Variants in FGF12 observed in about 807,000 individuals in gnomAD.
FGF12 encodes fibroblast growth factor 12B.
In FGF12, 14 loss-of-function variants were observed where a neutral mutation model predicts 23.6. The ratio of observed to expected loss-of-function variants is 0.59; its 90% CI spans 0.39 to 0.93. The LOEUF is 0.93. FGF12 is among the 40% of genes least tolerant of loss of function. The pLI is 0.00. For synonymous variants in FGF12, 62 were observed against 77.3 expected, an observed-to-expected ratio of 0.80 and a Z score of 1.04; for missense variants, 175 against 217.8, an observed-to-expected ratio of 0.80 and a Z score of 1.24.
intron 2 of FGF12, among the ~76,000 whole-genome samples, chr3:192,692,710 TAA>T (rs200005337): frequency 1.4e-4 from 17 of 123,130 alleles, no homozygotes; most frequent in East Asian, 2.3e-4. Flanking sequence ...AGACCCTGTC[TAA>T]AAAAAAAAAA....
chr3:192,147,912 T>C (rs183010254), intron 5 of FGF12, among the ~76,000 whole-genome samples: 32 of 152,100 alleles, frequency 2.1e-4, no homozygotes, highest in Non-Finnish European at 3.4e-4. Context: ...TCAGAAATGG[T>C]AATAAAAGAA....
At chr3:192,304,662 A>G (rs1366676520) in intron 4 of FGF12, among the ~76,000 whole-genome samples, 1 of 152,174 alleles carries the variant, frequency 6.6e-6, no homozygotes. Flanking sequence ...ATAACACGTG[A>G]ATCTGTTATA....
chr3:192,159,972 GTGTGTGTA>G lies in FGF12; in HGVS notation c.427+10478_427+10485del, dbSNP rs1217520502. ...TGTGTGTGTGTGTGTGTGTGTGTGT[GTGTGTGTA>G]CACATTTCAGCACACAGACCCATTA... On this transcript the variant is annotated intron_variant, in intron 5 of 5. Coordinates refer to ENST00000445105, the MANE Select transcript of FGF12 (RefSeq NM_004113.6). 5.2e-3 allele frequency among the ~76,000 whole-genome samples: 731 copies of G among 140,358 alleles called. 5 individuals carry two copies. Among genetic ancestry groups the G allele is most frequent in the African/African-American group, 0.021 (707 of 34,378 alleles). 92.1% of individuals were successfully genotyped at this position (140,358 alleles called of 152,430 possible).
At chr3:192,507,992 T>C (rs1461146018) in intron 2 of FGF12, among the ~76,000 whole-genome samples, 1 of 152,146 alleles carries the variant, frequency 6.6e-6, no homozygotes, top group Admixed American at 6.5e-5. Context: ...AGCAAATAAT[T>C]AGTGCCTTAG....
chr3:192,173,683 A>C (rs962003965), intron 4 of FGF12, among the ~76,000 whole-genome samples: 3 of 152,178 alleles, frequency 2.0e-5, no homozygotes, highest in Non-Finnish European at 4.4e-5. Flanking sequence ...TATTAACCCT[A>C]GATGCTATGC....
At chr3:192,633,366 T>C (rs1715463496) in intron 2 of FGF12, among the ~76,000 whole-genome samples, 1 of 152,106 alleles carries the variant, frequency 6.6e-6, no homozygotes, top group Admixed American at 6.5e-5. Flanking sequence ...TTATCAATCA[T>C]TGGATTTGGG....
chr3:192,183,964 T>C (rs1030544679), intron 4 of FGF12, among the ~76,000 whole-genome samples: 3 of 152,174 alleles, frequency 2.0e-5, no homozygotes, highest in African/African-American at 7.2e-5. Flanking sequence ...GGCTCACACC[T>C]GTAATGCCAG....
chr3:192,485,612 CA>C (rs1054068167), intron 2 of FGF12, among the ~76,000 whole-genome samples: 3 of 151,880 alleles, frequency 2.0e-5, no homozygotes, highest in Admixed American at 1.3e-4. Context: ...AACTGTCTTC[CA>C]AAATTTTTTT....
intron 2 of FGF12, among the ~76,000 whole-genome samples, chr3:192,456,670 A>G (rs1722691484): frequency 6.6e-6 from 1 of 152,220 alleles, no homozygotes; most frequent in African/African-American, 2.4e-5. Context: ...ACCACCTAGA[A>G]CATTTTATGT....
intron 5 of FGF12, among the ~76,000 whole-genome samples, chr3:192,168,338 A>G (rs1715344715): frequency 6.6e-6 from 1 of 152,166 alleles, no homozygotes; most frequent in African/African-American, 2.4e-5. Context: ...CTTCTCAGGT[A>G]CCCTTTGCTT....
At chr3:192,425,393 A>G (rs1181968359) in intron 2 of FGF12, among the ~76,000 whole-genome samples, 1 of 152,140 alleles carries the variant, frequency 6.6e-6, no homozygotes, top group African/African-American at 2.4e-5. Context: ...GAAAAGTGGG[A>G]TGCAGTCTCC....
intron 4 of FGF12, among the ~76,000 whole-genome samples, chr3:192,277,381 T>C (rs1324333876): frequency 6.6e-6 from 1 of 151,956 alleles, no homozygotes; most frequent in African/African-American, 2.4e-5. Flanking sequence ...TGAGAAAGCA[T>C]TCTGTAAAGA....
chr3:192,618,798 T>C (rs1356926337), intron 2 of FGF12, among the ~76,000 whole-genome samples: 1 of 151,722 alleles, frequency 6.6e-6, no homozygotes, highest in Admixed American at 6.6e-5. Context: ...GAGGATTTGC[T>C]CTTTGGGTGA....
At chr3:192,599,369 A>C (rs894789734) in intron 2 of FGF12, among the ~76,000 whole-genome samples, 2 of 151,876 alleles carry the variant, frequency 1.3e-5, no homozygotes, top group African/African-American at 4.8e-5. Flanking sequence ...CAGTAAGTTA[A>C]CTTCTCTGAA....
At chr3:192,349,644 G>T (rs1396272042) in intron 3 of FGF12, among the ~76,000 whole-genome samples, 1 of 151,984 alleles carries the variant, frequency 6.6e-6, no homozygotes, top group African/African-American at 2.4e-5. Flanking sequence ...CTGCGAAAGT[G>T]TCTTCTTTTA....
intron 2 of FGF12, among the ~76,000 whole-genome samples, chr3:192,484,701 G>A (rs1397610294): frequency 2.0e-5 from 3 of 152,132 alleles, no homozygotes; most frequent in African/African-American, 7.2e-5. Flanking sequence ...ACTCTCCCAG[G>A]CTGAATCGAC....
intron 2 of FGF12, among the ~76,000 whole-genome samples, chr3:192,379,083 G>A (rs1034214953): frequency 2.0e-5 from 3 of 152,032 alleles, no homozygotes; most frequent in East Asian, 1.9e-4. Context: ...CTAAAGACAC[G>A]ATTTAAATTT....
At chr3:192,154,557 G>T (rs1252406499) in intron 5 of FGF12, among the ~76,000 whole-genome samples, 3 of 151,428 alleles carry the variant, frequency 2.0e-5, no homozygotes, top group Non-Finnish European at 1.5e-5. Flanking sequence ...CTGCAGGTCT[G>T]TTGGAGTACC....
chr3:192,628,961 G>A (rs1438435176), intron 2 of FGF12, among the ~76,000 whole-genome samples: 1 of 151,950 alleles, frequency 6.6e-6, no homozygotes, highest in African/African-American at 2.4e-5. Flanking sequence ...GGCTGAGACT[G>A]TTTTTGCCAC....
Sources: allele counts gnomAD v4.1 joint callset (sites outside exome capture counted in the v4.1 genomes callset), GRCh38; gene constraint gnomAD v4.1.1; transcripts MANE v1.5; gene names NCBI Gene and HGNC (gene_info 2026-07-23, HGNC 2026-07-21).